Variants in HYDIN observed in about 807,000 individuals in gnomAD.
HYDIN encodes HYDIN axonemal central pair apparatus protein, also known as axonemal central pair apparatus protein HYDIN.
In HYDIN, 132 loss-of-function variants were observed where a neutral mutation model predicts 403.9. The ratio of observed to expected loss-of-function variants is 0.33; its 90% CI spans 0.28 to 0.38. The LOEUF (loss-of-function observed/expected upper bound fraction) is 0.38. HYDIN is among the 10% of genes least tolerant of loss of function. The pLI is 1.00. For missense variants in HYDIN, 2,827 were observed against 5,009.5 expected, an observed-to-expected ratio of 0.56 and a Z score of 13.15; for synonymous variants, 1,202 against 1,891.7, an observed-to-expected ratio of 0.64 and a Z score of 9.46.
intron 41 of HYDIN, among the ~76,000 whole-genome samples, chr16:70,948,528 A>G (rs2077955292): frequency 6.6e-6 from 1 of 151,480 alleles, no homozygotes; most frequent in Non-Finnish European, 1.5e-5. Context: ...GCAACCTACA[A>G]AATGGGAGAA....
chr16:71,211,207 CCA>C lies in HYDIN; in HGVS notation c.-24+19353_-24+19354del. Among the ~76,000 whole-genome samples, 3 of 152,164 alleles carry C rather than the reference CCA, an allele frequency of 2.0e-5. No homozygotes were observed. In the South Asian group the frequency reaches 6.2e-4, roughly 32 times the overall value. On this transcript the variant is annotated intron_variant, in intron 1 of 85. Transcript: ENST00000393567. Reference sequence around the variant, plus strand: ...GAATAAAAAGAAAGAGGAAAAATACCCAAAAAGTTGAGGTAAATTCTGACTCA... The same window carrying C: ...GAATAAAAAGAAAGAGGAAAAATACCAAAAGTTGAGGTAAATTCTGACTCA...
At chr16:70,896,469 C>G (rs1465953462) in intron 53 of HYDIN, among the ~76,000 whole-genome samples, 1 of 152,136 alleles carries the variant, frequency 6.6e-6, no homozygotes. Flanking sequence ...CCTCCCATCT[C>G]AGCCTCCCGA....
At chr16:70,865,724 C>T (rs2039707954) in intron 67 of HYDIN, among the ~76,000 whole-genome samples, 1 of 151,756 alleles carries the variant, frequency 6.6e-6, no homozygotes, top group South Asian at 2.1e-4. Flanking sequence ...TGGGCATATT[C>T]TCTGCAGGGA....
At chr16:71,003,205 T>C (rs2079779188) in intron 23 of HYDIN, among the ~76,000 whole-genome samples, 1 of 152,184 alleles carries the variant, frequency 6.6e-6, no homozygotes, top group African/African-American at 2.4e-5. Flanking sequence ...GCTTGATATC[T>C]AGGAGCTTGG....
intron 16 of HYDIN, among the ~76,000 whole-genome samples, chr16:71,063,929 C>T (rs1176319889): frequency 1.5e-3 from 228 of 147,376 alleles, no homozygotes; most frequent in Non-Finnish European, 3.0e-3. Flanking sequence ...CCTTCCTTTA[C>T]CTAAAGGTGG....
At chr16:70,833,569 T>C in intron 79 of HYDIN, among the ~76,000 whole-genome samples, 1 of 133,978 alleles carries the variant, frequency 7.5e-6, no homozygotes, top group Non-Finnish European at 1.6e-5. Flanking sequence ...CCCTCTGTGG[T>C]TGGGCACTCG....
chr16:71,184,240 C>T (rs1231795124), intron 3 of HYDIN, among the ~76,000 whole-genome samples: 1 of 152,012 alleles, frequency 6.6e-6, no homozygotes, highest in Non-Finnish European at 1.5e-5. Flanking sequence ...GTTAATCTCC[C>T]CAGCAGCCCA....
chr16:71,117,506 C>T (rs1176961370), intron 9 of HYDIN, among the ~76,000 whole-genome samples: 1 of 152,086 alleles, frequency 6.6e-6, no homozygotes, highest in Non-Finnish European at 1.5e-5. Flanking sequence ...TATTTTTGTG[C>T]TACTTAGAAG....
Position 70,879,479 on chromosome 16 carries a change from C to T in HYDIN, c.10375G>A (p.Ala3459Thr). 6.2e-7 allele frequency: 1 copy of T among 1,613,680 alleles called. No individual in the cohort carries two copies. The highest frequency in any genetic ancestry group is 8.5e-7 in the Non-Finnish European group (1 of 1,179,766). Residue 3459 changes from alanine (A) to threonine (T), a missense_variant, in exon 62 of 86, where the codon GCC becomes ACC. Transcript: ENST00000393567. ...TCAAACACGAGGCCTCGGCTCTTGGCCAGGGTGCTGTAGGGGACAGGAAGA... is the reference window on the plus strand; with the variant it reads ...TCAAACACGAGGCCTCGGCTCTTGGTCAGGGTGCTGTAGGGGACAGGAAGA... The part of the protein sequence containing the change: ...ATLDGLPSTL[A>T]KSRGLVFDIA...
intron 43 of HYDIN, among the ~76,000 whole-genome samples, chr16:70,939,530 C>A (rs2077604493): frequency 6.6e-6 from 1 of 152,258 alleles, no homozygotes; most frequent in South Asian, 2.1e-4. Flanking sequence ...TGTTTGTTAA[C>A]ATGTATGAAC....
chr16:71,210,468 C>T (rs1207947076), intron 1 of HYDIN, among the ~76,000 whole-genome samples: 1 of 151,346 alleles, frequency 6.6e-6, no homozygotes, highest in African/African-American at 2.4e-5. Context: ...AACACATGGA[C>T]AGAAAGAGGG....
intron 7 of HYDIN, among the ~76,000 whole-genome samples, chr16:71,152,169 A>C (rs2085560533): frequency 6.7e-6 from 1 of 149,772 alleles, no homozygotes; most frequent in African/African-American, 2.5e-5. Context: ...TCAGGCTTTC[A>C]AGCACTGGGG....
In HYDIN at chr16:71,064,725, A is replaced by C. The variant is rs147329235; in HGVS notation, c.2191T>G (p.Phe731Val). 6 of 1,614,046 alleles carry C rather than the reference A, an allele frequency of 3.7e-6. No individual in the cohort carries two copies. Among genetic ancestry groups the C allele is most frequent in the Admixed American group, 3.3e-5 (2 of 60,014 alleles). ...QLANQDDLPG[F>V]YEVQPQVCEE... ...CTCACCTGAGGCTGGACCTCATAGA[A>C]TCCTGGGAGGTCATCTTGATTGGCA... The change falls in exon 16 of 86, where the codon TTC (phenylalanine) becomes GTC (valine). Residue 731 changes from phenylalanine (F) to valine (V), a missense_variant. By Grantham distance (50) the Phe-to-Val change is conservative. Coordinates refer to ENST00000393567, the MANE Select transcript of HYDIN (RefSeq NM_001270974.2).
In HYDIN at chr16:71,129,637, C is replaced by T. The variant is rs780345645; in HGVS notation, c.1227+3G>A. ...TATGGTCAGCTTTTATTTATATGCT[C>T]ACCAGGGGCTCCACAGTGAAAACGT... is the stretch of plus-strand genomic sequence containing the variant. On this transcript the variant is annotated splice_donor_region_variant and intron_variant, in intron 9 of 85. Transcript: ENST00000393567. The T allele has an allele frequency of 6.2e-7, 1 of 1,610,892 alleles. No individual in the cohort carries two copies. The highest frequency in any genetic ancestry group is 8.5e-7 in the Non-Finnish European group (1 of 1,178,624).
intron 15 of HYDIN, chr16:71,066,476 A>G (rs555932985): frequency 6.2e-6 from 1 of 160,806 alleles, no homozygotes; most frequent in African/African-American, 2.4e-5. Flanking sequence ...AATTCCAGAG[A>G]TTGACATATT....
At chr16:71,210,825 G>A (rs1027852770) in intron 1 of HYDIN, among the ~76,000 whole-genome samples, 11 of 151,904 alleles carry the variant, frequency 7.2e-5, no homozygotes, top group African/African-American at 2.7e-4. Context: ...AAATGCAACT[G>A]TATTGATTTC....
At chr16:71,043,856 A>T (rs1456761109) in intron 18 of HYDIN, among the ~76,000 whole-genome samples, 3 of 151,626 alleles carry the variant, frequency 2.0e-5, no homozygotes, top group Non-Finnish European at 4.4e-5. Context: ...TGGGAGGCCA[A>T]GGTGGGAGGA....
intron 1 of HYDIN, among the ~76,000 whole-genome samples, chr16:71,193,759 T>G (rs1373310288): frequency 1.3e-5 from 2 of 152,220 alleles, no homozygotes; most frequent in Admixed American, 1.3e-4. Context: ...ATAACTATCA[T>G]GATCACCATA....
At chr16:71,068,604 C>A (rs1181666312) in intron 14 of HYDIN, among the ~76,000 whole-genome samples, 1 of 151,458 alleles carries the variant, frequency 6.6e-6, no homozygotes, top group Non-Finnish European at 1.5e-5. Context: ...ACAACAACAA[C>A]AAACAACAAC....
Sources: allele counts gnomAD v4.1 joint callset (sites outside exome capture counted in the v4.1 genomes callset), GRCh38; gene constraint gnomAD v4.1.1; transcripts MANE v1.5; gene names NCBI Gene and HGNC (gene_info 2026-07-23, HGNC 2026-07-21).